NPHS2: variants seen among roughly 807,000 people sequenced by gnomAD.
The protein encoded by NPHS2 is NPHS2 stomatin family member, podocin.
NPHS2 carries 36 observed loss-of-function variants against 37.1 expected under a neutral mutation model. The ratio of observed to expected loss-of-function variants is 0.97; its 90% confidence interval spans 0.74 to 1.28. NPHS2 has a LOEUF of 1.28. Among genes scored for constraint, NPHS2 ranks in the 50% most tolerant of loss-of-function variants. NPHS2 has a pLI of 0.00. For missense variants in NPHS2, 447 were observed against 488.1 expected (o/e 0.92, Z 0.79); for synonymous variants, 196 against 189.3 (o/e 1.04, Z -0.29).
chr1:179,561,830 AG>A (rs1357888823), intron 2 of NPHS2, among the ~76,000 whole-genome samples: 1 of 151,880 alleles, frequency 6.6e-6, no homozygotes, highest in African/African-American at 2.4e-5. Context: ...TTCTAGATGA[AG>A]TTTCGCTCTT....
At chr1:179,566,416 T>A (rs1231840584) in intron 1 of NPHS2, among the ~76,000 whole-genome samples, 4 of 152,024 alleles carry the variant, frequency 2.6e-5, no homozygotes, top group Non-Finnish European at 5.9e-5. Context: ...GATGGGGTTG[T>A]TTTTTTCTTG....
chr1:179,559,832 G>A, intron 3 of NPHS2, 71 bp from the exon 4 acceptor site: 2 of 995,900 alleles, frequency 2.0e-6, no homozygotes, highest in Admixed American at 2.0e-5. Context: ...ACCTTTCTGG[G>A]GTCAGGTTGC....
At chr1:179,567,907 G>A (rs983406608) in intron 1 of NPHS2, among the ~76,000 whole-genome samples, 3 of 152,146 alleles carry the variant, frequency 2.0e-5, no homozygotes, top group Non-Finnish European at 4.4e-5. Flanking sequence ...TGCATCCCAG[G>A]GATGAAGCCA....
In NPHS2 at chr1:179,557,059, G is replaced by A; in HGVS notation, c.706C>T (p.Leu236=). 6.2e-7 allele frequency: 1 copy of A among 1,613,906 alleles called. No homozygotes were observed. Among genetic ancestry groups the A allele is most frequent in the African/African-American group, 1.3e-5 (1 of 75,042 alleles). The change falls in exon 5 of 8, where the codon CTA becomes TTA. Residue 236 remains leucine, a synonymous_variant. Transcript: ENST00000367615. ...LAHRSLTEIL[L]ERKSIAQDAK... Reference sequence around the variant, plus strand: ...TCTTGGGCGATGCTCTTCCTCTCTAGAAGAATTTCAGTGAGGGATCGATGT... The same window carrying A: ...TCTTGGGCGATGCTCTTCCTCTCTAAAAGAATTTCAGTGAGGGATCGATGT...
At position 179,557,080 on chromosome 1, in the gene NPHS2, G is replaced by T. The variant is rs1057516414; in HGVS notation, c.685C>A (p.Arg229=). Residue 229 remains arginine, a synonymous_variant, in exon 5 of 8, where the codon CGA becomes AGA. Transcript: ENST00000367615. ...TCTAGAAGAATTTCAGTGAGGGATC[G>T]ATGTGCTAGGAGACGCTTCATAGTG... ...QTTMKRLLAH[R]SLTEILLERK... 2 of 1,614,076 alleles carry T rather than the reference G, an allele frequency of 1.2e-6. No homozygotes were observed. Among genetic ancestry groups the T allele is most frequent in the East Asian group, 4.5e-5 (2 of 44,878 alleles).
At chr1:179,564,054 C>T (rs905245927) in intron 2 of NPHS2, among the ~76,000 whole-genome samples, 34 of 152,224 alleles carry the variant, frequency 2.2e-4, no homozygotes, top group African/African-American at 8.2e-4. Context: ...TTTCTCAGAG[C>T]TGCACCACAG....
intron 1 of NPHS2, among the ~76,000 whole-genome samples, chr1:179,569,703 T>G (rs1233791668): frequency 1.3e-5 from 2 of 152,212 alleles, no homozygotes; most frequent in East Asian, 3.8e-4. Context: ...CCATGTTTAG[T>G]GCTTCCTTCA....
chr1:179,562,829 A>G (rs1674195441), intron 2 of NPHS2, among the ~76,000 whole-genome samples: 1 of 152,208 alleles, frequency 6.6e-6, no homozygotes, highest in South Asian at 2.1e-4. Context: ...TTATTGGAAA[A>G]AACAAATTCT....
At chr1:179,570,464 A>G (rs1037119735) in intron 1 of NPHS2, among the ~76,000 whole-genome samples, 2 of 152,246 alleles carry the variant, frequency 1.3e-5, no homozygotes, top group African/African-American at 4.8e-5. Context: ...GCAGCAGGAG[A>G]ATGTCCTTAA....
Position 179,552,595 on chromosome 1 carries a change from G to A in NPHS2, c.873+8C>T. The A allele has an allele frequency of 1.9e-6, 3 of 1,612,316 alleles. No homozygotes were observed. Among genetic ancestry groups the A allele is most frequent in the Non-Finnish European group, 2.5e-6 (3 of 1,178,784 alleles). On this transcript the variant is annotated splice_region_variant and intron_variant, in intron 7 of 7. Coordinates refer to ENST00000367615, the MANE Select transcript of NPHS2 (RefSeq NM_014625.4). The stretch of plus-strand genomic sequence containing the variant: ...AGGGCAGTCTGGGTGGGAGGATGGA[G>A]TGCTCACCCGCACTTTGGCTTGTCT...
chr1:179,560,440 A>G (rs1558346708), intron 3 of NPHS2, among the ~76,000 whole-genome samples: 1 of 152,220 alleles, frequency 6.6e-6, no homozygotes, highest in Non-Finnish European at 1.5e-5. Context: ...CTAGTCAGCT[A>G]CTAGTCCTCC....
At chr1:179,552,540 G>T in intron 7 of NPHS2, 63 bp downstream of exon 7, 1 of 1,291,884 alleles carries the variant, frequency 7.7e-7, no homozygotes, top group Non-Finnish European at 1.1e-6. Flanking sequence ...AAGCAAAGGG[G>T]AAATGTTCTC....
At chr1:179,572,807 C>T (rs1330262430) in intron 1 of NPHS2, among the ~76,000 whole-genome samples, 13 of 150,868 alleles carry the variant, frequency 8.6e-5, no homozygotes, top group African/African-American at 3.2e-4. Context: ...TCCTTCCCTT[C>T]TTTCTTTCTT....
intron 2 of NPHS2, among the ~76,000 whole-genome samples, chr1:179,563,421 G>T (rs930228925): frequency 7.2e-5 from 11 of 152,210 alleles, no homozygotes; most frequent in African/African-American, 2.2e-4. Context: ...GATGGAACTA[G>T]AAAGACATGG....
chr1:179,572,881 C>A (rs922933518), intron 1 of NPHS2, among the ~76,000 whole-genome samples: 2 of 151,852 alleles, frequency 1.3e-5, no homozygotes, highest in Non-Finnish European at 1.5e-5. Context: ...TCTCTCCAGG[C>A]TGGAGTGCAG....
chr1:179,552,512 A>G (rs1673435795), intron 7 of NPHS2, 91 bp downstream of exon 7: 1 of 993,760 alleles, frequency 1.0e-6, no homozygotes, highest in Non-Finnish European at 1.6e-6. Context: ...CCCAGTGCCT[A>G]ATGAATGGAC....
At chr1:179,565,439 T>A (rs1395147214) in intron 1 of NPHS2, among the ~76,000 whole-genome samples, 2 of 152,214 alleles carry the variant, frequency 1.3e-5, no homozygotes, top group South Asian at 2.1e-4. Context: ...ATTATGAGGA[T>A]GCTAACATCT....
At chr1:179,565,868 G>A (rs1179509326) in intron 1 of NPHS2, among the ~76,000 whole-genome samples, 4 of 151,968 alleles carry the variant, frequency 2.6e-5, no homozygotes, top group African/African-American at 4.8e-5. Context: ...GATGGTTTCC[G>A]GCTTCATCCA....
Position 179,551,465 on chromosome 1 carries a change from GA to G in NPHS2, c.874-15del. ...TGCAGCAATCATCTAGAAAACATGT[GA>G]CGAAAGCAAAGTGATTGTTCTTCAT... On this transcript the variant is annotated splice_polypyrimidine_tract_variant and intron_variant, in intron 7 of 7. Coordinates refer to ENST00000367615, the MANE Select transcript of NPHS2 (RefSeq NM_014625.4). The G allele has an allele frequency of 6.2e-7, 1 of 1,612,572 alleles. No homozygotes were observed. The highest frequency in any genetic ancestry group is 1.3e-5 in the African/African-American group (1 of 74,982).
Sources: gnomAD v4.1 joint callset for allele counts (sites outside exome capture counted in the v4.1 genomes callset) on GRCh38, gnomAD v4.1.1 for gene constraint, MANE v1.5 for transcripts, NCBI Gene and HGNC (gene_info 2026-07-23, HGNC 2026-07-21) for gene names.